FAM53A: variants seen among roughly 807,000 people sequenced by gnomAD.
The protein encoded by FAM53A is family with sequence similarity 53 member A.
Under a neutral mutation model 26.6 loss-of-function variants are expected in FAM53A, and 28 were observed. The observed-to-expected ratio is 1.05, with a 90% CI of 0.78 to 1.45. The LOEUF (loss-of-function observed/expected upper bound fraction) is 1.45, where lower values mean the gene tolerates loss of function less well. Among genes scored for constraint, FAM53A ranks in the 40% most tolerant of loss-of-function variants. FAM53A has a pLI of 0.00. For synonymous variants in FAM53A, 290 were observed against 253.1 expected (o/e 1.15, Z -1.38); for missense variants, 650 against 575.8 (o/e 1.13, Z -1.32).
At chr4:1,682,461 C>T (rs1577165805) in intron 1 of FAM53A, among the ~76,000 whole-genome samples, 1 of 151,972 alleles carries the variant, frequency 6.6e-6, no homozygotes, top group African/African-American at 2.4e-5. Context: ...CGGGGTTTCA[C>T]CATGTTGGCC....
chr4:1,597,098 TC>T, the FAM53A span, among the ~76,000 whole-genome samples: 1 of 152,048 alleles, frequency 6.6e-6, no homozygotes, highest in Non-Finnish European at 1.5e-5. Context: ...GGCCTTCTTT[TC>T]CCTCACTGGG....
chr4:1,676,448 G>A (rs781640758), intron 1 of FAM53A, among the ~76,000 whole-genome samples: 4 of 152,150 alleles, frequency 2.6e-5, no homozygotes, highest in Admixed American at 6.5e-5. Flanking sequence ...AAGTACTGGG[G>A]GGGGTCAGGA....
At chr4:1,647,925 A>G (rs1397885220) in intron 4 of FAM53A, among the ~76,000 whole-genome samples, 1 of 152,236 alleles carries the variant, frequency 6.6e-6, no homozygotes, top group Non-Finnish European at 1.5e-5. Flanking sequence ...AGGAAGTGGC[A>G]AAGCCTGGGC....
At chr4:1,585,779 T>G in the FAM53A span, among the ~76,000 whole-genome samples, 1 of 152,188 alleles carries the variant, frequency 6.6e-6, no homozygotes, top group Admixed American at 6.5e-5. Context: ...CAGGCTAGAG[T>G]GCAGTAGCAA....
chr4:1,604,681 G>C, the FAM53A span, among the ~76,000 whole-genome samples: 1 of 152,064 alleles, frequency 6.6e-6, no homozygotes, highest in Non-Finnish European at 1.5e-5. Flanking sequence ...CGACGGACAC[G>C]GCCATCCTCT....
At chr4:1,636,373 C>T (rs755326608), downstream of FAM53A, among the ~76,000 whole-genome samples, 32 of 152,342 alleles carry the variant, frequency 2.1e-4, no homozygotes, top group East Asian at 2.7e-3. Flanking sequence ...AAGAGGATTA[C>T]GAGACCTCTG....
At chr4:1,654,452 A>T (rs1365320098) in intron 4 of FAM53A, among the ~76,000 whole-genome samples, 1 of 152,234 alleles carries the variant, frequency 6.6e-6, no homozygotes, top group African/African-American at 2.4e-5. Context: ...TCTCTCCTAC[A>T]TCCAGACAGT....
the FAM53A span, among the ~76,000 whole-genome samples, chr4:1,608,879 G>C: frequency 3.3e-5 from 5 of 152,114 alleles, no homozygotes; most frequent in African/African-American, 1.2e-4. Flanking sequence ...GTGAATCCTC[G>C]TATGCTGGGC....
the FAM53A span, among the ~76,000 whole-genome samples, chr4:1,596,316 T>C: frequency 1.1e-4 from 16 of 152,246 alleles, no homozygotes; most frequent in African/African-American, 3.6e-4. Flanking sequence ...TAGCCACGTA[T>C]TGTTTTCAAT....
At chr4:1,598,227 G>C in the FAM53A span, among the ~76,000 whole-genome samples, 4 of 152,226 alleles carry the variant, frequency 2.6e-5, no homozygotes, top group African/African-American at 7.2e-5. Flanking sequence ...CAGCTCCACC[G>C]AGGCCCTGGG....
At chr4:1,674,183 T>C (rs1278539363) in intron 1 of FAM53A, among the ~76,000 whole-genome samples, 2 of 152,200 alleles carry the variant, frequency 1.3e-5, no homozygotes, top group East Asian at 3.8e-4. Context: ...CTCTCTCCAG[T>C]TTCCAGGGGC....
chr4:1,685,081 T>G (rs942121518), upstream of FAM53A, among the ~76,000 whole-genome samples: 1 of 152,008 alleles, frequency 6.6e-6, no homozygotes, highest in African/African-American at 2.4e-5. Flanking sequence ...GTGCTGGGGC[T>G]CGGGTGTGTC....
chr4:1,665,693 G>A (rs570921632), intron 2 of FAM53A, among the ~76,000 whole-genome samples: 2 of 152,226 alleles, frequency 1.3e-5, no homozygotes, highest in African/African-American at 4.8e-5. Context: ...AGCAGGAGCA[G>A]GCTGTGATGG....
chr4:1,673,167 A>C (rs1191869367), intron 1 of FAM53A, among the ~76,000 whole-genome samples: 1 of 152,170 alleles, frequency 6.6e-6, no homozygotes, highest in African/African-American at 2.4e-5. Flanking sequence ...AGAAGCATGG[A>C]GTCAAGAAAG....
chr4:1,665,668 G>A (rs552292499), intron 2 of FAM53A, among the ~76,000 whole-genome samples: 7 of 152,210 alleles, frequency 4.6e-5, no homozygotes, highest in East Asian at 1.9e-4. Context: ...TAACAGAGCC[G>A]GCAGGGTCAG....
At chr4:1,595,738 G>C in the FAM53A span, among the ~76,000 whole-genome samples, 20 of 152,392 alleles carry the variant, frequency 1.3e-4, no homozygotes, top group African/African-American at 4.8e-4. Context: ...CAGCCGGGCA[G>C]AGAGGAAGCA....
chr4:1,652,011 G>A lies in FAM53A; in HGVS notation c.882+2967C>T, dbSNP rs978812177. 5.6e-4 allele frequency among the ~76,000 whole-genome samples: 33 copies of A among 59,096 alleles called. 1 individual carries two copies. The highest frequency in any genetic ancestry group is 1.8e-3 in the African/African-American group (31 of 17,654). 38.8% of individuals were successfully genotyped at this position (59,096 alleles called of 152,430 possible). A position where few individuals can be genotyped will look rare whatever the true frequency, so the allele number is the denominator to read the frequency against. On this transcript the variant is annotated intron_variant, in intron 4 of 4. Coordinates refer to ENST00000308132, the MANE Select transcript of FAM53A (RefSeq NM_001174070.3). Reference sequence around the variant, plus strand: ...CACACCTCACACACACACCACACACGTCACACACACACCACACACGCCACA... The same window carrying A: ...CACACCTCACACACACACCACACACATCACACACACACCACACACGCCACA...
intron 1 of FAM53A, among the ~76,000 whole-genome samples, chr4:1,669,975 C>T (rs1373638744): frequency 2.6e-5 from 4 of 152,180 alleles, no homozygotes; most frequent in Admixed American, 6.5e-5. Context: ...GGATTAAGGG[C>T]GGACAGGACG....
chr4:1,671,688 C>T (rs191997538), intron 1 of FAM53A, among the ~76,000 whole-genome samples: 2 of 152,382 alleles, frequency 1.3e-5, no homozygotes. Context: ...ACAAGCCAGC[C>T]TCCCTCCCTA....
Sources: gnomAD v4.1 joint callset for allele counts (sites outside exome capture counted in the v4.1 genomes callset) on GRCh38, gnomAD v4.1.1 for gene constraint, MANE v1.5 for transcripts, NCBI Gene and HGNC (gene_info 2026-07-23, HGNC 2026-07-21) for gene names.